Variants in IL1RAPL1 observed in about 807,000 individuals in gnomAD.
The protein encoded by IL1RAPL1 is interleukin-1 receptor accessory protein-like 1.
IL1RAPL1 carries 3 observed loss-of-function variants against 48.4 expected under a neutral mutation model. The observed-to-expected ratio is 0.06, with a 90% CI of 0.03 to 0.16. The LOEUF (loss-of-function observed/expected upper bound fraction) is 0.16. Among genes scored for constraint, IL1RAPL1 ranks in the 10% least tolerant of loss-of-function variants. The pLI, the probability that IL1RAPL1 is intolerant of heterozygous loss-of-function variation, is 1.00. For synonymous variants in IL1RAPL1, 185 were observed against 187.7 expected (o/e 0.99, Z 0.12); for missense variants, 349 against 530.6 (o/e 0.66, Z 3.36).
rs12690144 is a variant in IL1RAPL1, at chrX:28,789,652, T to C, written c.82+227T>C. Among the ~76,000 whole-genome samples the C allele has an allele frequency of 0.44, 48,925 of 111,224 alleles. 7,837 individuals are homozygous for C. The highest frequency in any genetic ancestry group is 0.62 in the Middle Eastern group (133 of 216). ...TTTTATCGATTACTATGAATTGGCA[T>C]GGATTCAATAGCAAAGCCTTGTATT... On this transcript the variant is annotated intron_variant, in intron 2 of 10. Coordinates refer to ENST00000378993, the MANE Select transcript of IL1RAPL1 (RefSeq NM_014271.4).
At chrX:28,841,397 G>T (rs1258450107) in intron 2 of IL1RAPL1, among the ~76,000 whole-genome samples, 1 of 110,990 alleles carries the variant, frequency 9.0e-6, no homozygotes, top group Non-Finnish European at 1.9e-5. Flanking sequence ...ACATTTTAGA[G>T]ATAATAGCAA....
At chrX:28,945,346 A>C (rs1441079162) in intron 2 of IL1RAPL1, among the ~76,000 whole-genome samples, 1 of 111,572 alleles carries the variant, frequency 9.0e-6, no homozygotes, top group Non-Finnish European at 1.9e-5. Context: ...ACATGGAACC[A>C]ATCCAAATGC....
chrX:29,826,512 C>G (rs1266764102), intron 6 of IL1RAPL1, among the ~76,000 whole-genome samples: 2 of 111,483 alleles, frequency 1.8e-5, no homozygotes, highest in East Asian at 5.6e-4. Flanking sequence ...ACAAGGAAAC[C>G]CTGTACCTAT....
chrX:29,493,714 AGGTTT>A (rs1288794058), intron 5 of IL1RAPL1, among the ~76,000 whole-genome samples: 2 of 111,263 alleles, frequency 1.8e-5, no homozygotes, highest in Non-Finnish European at 3.8e-5. Context: ...ATACATGTGC[AGGTTT>A]GTTACATGGG....
intron 1 of IL1RAPL1, among the ~76,000 whole-genome samples, chrX:28,599,954 G>A (rs569289387): frequency 8.0e-5 from 9 of 111,831 alleles, no homozygotes; most frequent in African/African-American, 2.0e-4. Context: ...CTGTTTTCAC[G>A]TCAGGCAGTG....
At chrX:29,845,862 T>C (rs1018619319) in intron 6 of IL1RAPL1, among the ~76,000 whole-genome samples, 4 of 110,881 alleles carry the variant, frequency 3.6e-5, no homozygotes, top group Non-Finnish European at 7.5e-5. Context: ...GCGCGTAACT[T>C]GGCAGAAACA....
At chrX:29,117,130 G>T (rs1328900163) in intron 2 of IL1RAPL1, among the ~76,000 whole-genome samples, 1 of 111,175 alleles carries the variant, frequency 9.0e-6, no homozygotes. Context: ...GAGTTCCCAG[G>T]GAAAGAGACA....
intron 2 of IL1RAPL1, among the ~76,000 whole-genome samples, chrX:29,149,152 A>G (rs1367342420): frequency 9.0e-6 from 1 of 111,231 alleles, no homozygotes; most frequent in African/African-American, 3.3e-5. Context: ...TAAGAAATGC[A>G]TAATGACAAA....
intron 3 of IL1RAPL1, among the ~76,000 whole-genome samples, chrX:29,377,028 C>T (rs1296773591): frequency 8.9e-6 from 1 of 112,028 alleles, no homozygotes; most frequent in Non-Finnish European, 1.9e-5. Flanking sequence ...TTTTATGAAT[C>T]TGGGTGCTCC....
At chrX:29,073,740 A>T (rs1234943523) in intron 2 of IL1RAPL1, among the ~76,000 whole-genome samples, 1 of 111,490 alleles carries the variant, frequency 9.0e-6, no homozygotes, top group African/African-American at 3.3e-5. Flanking sequence ...TTGAGTAGGT[A>T]TTCTCTCTTT....
intron 5 of IL1RAPL1, among the ~76,000 whole-genome samples, chrX:29,525,291 A>G (rs1469639855): frequency 3.6e-5 from 4 of 112,571 alleles, no homozygotes; most frequent in Non-Finnish European, 7.5e-5. Context: ...AACTGTTTTT[A>G]AAGTTCAAAG....
At chrX:29,830,449 CTTT>C (rs201355062) in intron 6 of IL1RAPL1, among the ~76,000 whole-genome samples, 3 of 97,286 alleles carry the variant, frequency 3.1e-5, no homozygotes, top group East Asian at 3.2e-4. Context: ...AATTCTGACT[CTTT>C]TTTTTTTTTT....
intron 7 of IL1RAPL1, among the ~76,000 whole-genome samples, chrX:29,918,472 T>C (rs1311929328): frequency 7.5e-5 from 7 of 93,682 alleles, no homozygotes; most frequent in Admixed American, 3.8e-4. Context: ...ACCATTGCAC[T>C]GCAGCCTGGG....
At chrX:28,713,582 G>T (rs1935466491) in intron 1 of IL1RAPL1, among the ~76,000 whole-genome samples, 1 of 111,045 alleles carries the variant, frequency 9.0e-6, no homozygotes, top group Non-Finnish European at 1.9e-5. Flanking sequence ...ACTTACAGCA[G>T]GAAGGATTGG....
At chrX:29,587,525 G>C (rs1050946608) in intron 5 of IL1RAPL1, among the ~76,000 whole-genome samples, 2 of 111,419 alleles carry the variant, frequency 1.8e-5, no homozygotes, top group African/African-American at 6.5e-5. Flanking sequence ...TAGATTTTAA[G>C]CATTTTCAAT....
intron 6 of IL1RAPL1, among the ~76,000 whole-genome samples, chrX:29,668,957 A>C (rs1387229516): frequency 8.9e-6 from 1 of 111,858 alleles, no homozygotes; most frequent in Non-Finnish European, 1.9e-5. Flanking sequence ...TATAATATAA[A>C]TTTTGCTAGT....
intron 2 of IL1RAPL1, among the ~76,000 whole-genome samples, chrX:29,225,111 CT>C (rs1457091314): frequency 8.9e-6 from 1 of 112,042 alleles, no homozygotes; most frequent in Non-Finnish European, 1.9e-5. Flanking sequence ...TGCTTGTCTT[CT>C]TTAAAGCATT....
intron 1 of IL1RAPL1, among the ~76,000 whole-genome samples, chrX:28,606,835 C>G (rs948872308): frequency 9.0e-6 from 1 of 111,160 alleles, no homozygotes; most frequent in Admixed American, 9.6e-5. Context: ...TCAATGACAA[C>G]TTGGAGAGTT....
At chrX:29,498,724 A>G (rs913507315) in intron 5 of IL1RAPL1, among the ~76,000 whole-genome samples, 1 of 111,586 alleles carries the variant, frequency 9.0e-6, no homozygotes, top group African/African-American at 3.3e-5. Flanking sequence ...GATTAACACC[A>G]TACCATTCTG....
Sources: gnomAD v4.1 joint callset for allele counts (sites outside exome capture counted in the v4.1 genomes callset) on GRCh38, gnomAD v4.1.1 for gene constraint, MANE v1.5 for transcripts, NCBI Gene and HGNC (gene_info 2026-07-23, HGNC 2026-07-21) for gene names.